Variants in CDK14 observed in about 807,000 individuals in gnomAD.
The protein encoded by CDK14 is cyclin dependent kinase 14, also known as cyclin-dependent kinase 14.
A neutral mutation model predicts 60.7 loss-of-function variants in CDK14; 34 were observed. The ratio of observed to expected loss-of-function variants is 0.56; its 90% CI spans 0.43 to 0.75. The LOEUF is 0.75. Ranked by LOEUF, CDK14 falls within the 30% of genes least tolerant of loss-of-function variation. CDK14 has a pLI of 0.00. For synonymous variants in CDK14, 197 were observed against 203.7 expected (o/e 0.97, Z 0.28); for missense variants, 482 against 564.1 (o/e 0.85, Z 1.47).
At chr7:90,730,123 C>T (rs1474596755) in intron 3 of CDK14, among the ~76,000 whole-genome samples, 1 of 152,016 alleles carries the variant, frequency 6.6e-6, no homozygotes, top group African/African-American at 2.4e-5. Flanking sequence ...TTCTGTTCTT[C>T]TCTTAGTTTG....
At chr7:90,734,504 G>A (rs1313874791) in intron 3 of CDK14, among the ~76,000 whole-genome samples, 3 of 151,944 alleles carry the variant, frequency 2.0e-5, no homozygotes, top group Non-Finnish European at 2.9e-5. Context: ...GGCTTTATTT[G>A]CTTCTTTTCA....
chr7:90,947,048 C>T (rs925567845), intron 8 of CDK14, among the ~76,000 whole-genome samples: 1 of 152,168 alleles, frequency 6.6e-6, no homozygotes, highest in Non-Finnish European at 1.5e-5. Context: ...GTTTCCTGAG[C>T]TTTTCCCTGC....
intron 5 of CDK14, among the ~76,000 whole-genome samples, chr7:90,834,594 G>A (rs1356980276): frequency 6.6e-6 from 1 of 152,166 alleles, no homozygotes; most frequent in Non-Finnish European, 1.5e-5. Flanking sequence ...TGGGAAGAAA[G>A]GTGTTGGTAG....
At chr7:90,884,322 C>T (rs1791872757) in intron 6 of CDK14, among the ~76,000 whole-genome samples, 1 of 152,104 alleles carries the variant, frequency 6.6e-6, no homozygotes, top group Admixed American at 6.6e-5. Context: ...CATGAATGAA[C>T]ATTCATTCAC....
At chr7:90,809,520 G>C (rs1789001857) in intron 5 of CDK14, among the ~76,000 whole-genome samples, 2 of 152,004 alleles carry the variant, frequency 1.3e-5, no homozygotes, top group African/African-American at 4.8e-5. Context: ...GAGAAAGCAG[G>C]AAAGATCTAA....
chr7:90,735,483 G>A (rs971345323), intron 3 of CDK14, among the ~76,000 whole-genome samples: 2 of 152,210 alleles, frequency 1.3e-5, no homozygotes, highest in African/African-American at 2.4e-5. Flanking sequence ...ACTTGGGGCT[G>A]CTGCCTTTCT....
intron 6 of CDK14, among the ~76,000 whole-genome samples, chr7:90,894,882 C>A (rs1792245568): frequency 6.6e-6 from 1 of 152,094 alleles, no homozygotes; most frequent in East Asian, 1.9e-4. Context: ...TAAGATTAGC[C>A]TTGTTTGGTC....
intron 9 of CDK14, among the ~76,000 whole-genome samples, chr7:90,965,120 G>A (rs1457980830): frequency 6.6e-6 from 1 of 152,210 alleles, no homozygotes; most frequent in Non-Finnish European, 1.5e-5. Flanking sequence ...TTGGCACAAT[G>A]TAGCATTTCT....
intron 2 of CDK14, among the ~76,000 whole-genome samples, chr7:90,706,197 A>T (rs17163100): frequency 2.0e-5 from 3 of 152,134 alleles, no homozygotes; most frequent in Admixed American, 6.5e-5. Flanking sequence ...TCTAATAAAG[A>T]TATTCTTAAC....
chr7:90,858,608 A>G (rs549990180), intron 5 of CDK14, among the ~76,000 whole-genome samples: 1 of 152,284 alleles, frequency 6.6e-6, no homozygotes, highest in Non-Finnish European at 1.5e-5. Context: ...TTACAACATG[A>G]TATTCAGGGG....
At chr7:91,042,369 G>A (rs1797116393) in intron 10 of CDK14, among the ~76,000 whole-genome samples, 1 of 152,034 alleles carries the variant, frequency 6.6e-6, no homozygotes, top group Non-Finnish European at 1.5e-5. Context: ...CACCCAGGGA[G>A]ACTCAAGCCT....
intron 14 of CDK14, among the ~76,000 whole-genome samples, chr7:91,177,208 C>A (rs1584173509): frequency 6.6e-6 from 1 of 150,498 alleles, no homozygotes; most frequent in Non-Finnish European, 1.5e-5. Context: ...AAGACAAAAA[C>A]CACATGATTA....
chr7:90,616,020 G>A (rs1799642782), intron 2 of CDK14, among the ~76,000 whole-genome samples: 1 of 152,042 alleles, frequency 6.6e-6, no homozygotes, highest in Non-Finnish European at 1.5e-5. Context: ...GATGGATATT[G>A]GTACAATCAT....
chr7:90,874,502 C>A (rs1319188697), intron 6 of CDK14, among the ~76,000 whole-genome samples: 2 of 81,576 alleles, frequency 2.5e-5, no homozygotes, highest in African/African-American at 4.3e-5. Flanking sequence ...GTCCTTTCAT[C>A]CTTTTTTTTT....
intron 10 of CDK14, among the ~76,000 whole-genome samples, chr7:90,997,523 C>A (rs1264191929): frequency 1.3e-5 from 2 of 152,130 alleles, no homozygotes; most frequent in Non-Finnish European, 2.9e-5. Context: ...TCTAATAATA[C>A]CTAAATCATT....
chr7:91,068,572 T>G (rs990225132), intron 11 of CDK14, among the ~76,000 whole-genome samples: 3 of 152,126 alleles, frequency 2.0e-5, no homozygotes, highest in African/African-American at 7.2e-5. Context: ...CTATGAATCA[T>G]CGACTCCTCC....
At chr7:91,024,147 G>A (rs954097169) in intron 10 of CDK14, among the ~76,000 whole-genome samples, 1 of 150,798 alleles carries the variant, frequency 6.6e-6, no homozygotes, top group Admixed American at 6.6e-5. Flanking sequence ...TGATGATGAT[G>A]ATGATAATGA....
At chr7:90,685,490 TC>T (rs1369664330) in intron 2 of CDK14, among the ~76,000 whole-genome samples, 2 of 152,166 alleles carry the variant, frequency 1.3e-5, no homozygotes, top group Non-Finnish European at 2.9e-5. Context: ...TTATTATATT[TC>T]TTTAGAGATA....
intron 9 of CDK14, among the ~76,000 whole-genome samples, chr7:90,983,013 C>A (rs540510608): frequency 6.6e-6 from 1 of 152,210 alleles, no homozygotes; most frequent in Admixed American, 6.5e-5. Context: ...TACCTCACAC[C>A]AGTCAGAATG....
Sources: gnomAD v4.1 joint callset for allele counts (sites outside exome capture counted in the v4.1 genomes callset) on GRCh38, gnomAD v4.1.1 for gene constraint, MANE v1.5 for transcripts, NCBI Gene and HGNC (gene_info 2026-07-23, HGNC 2026-07-21) for gene names.